DOCK9: variants seen among roughly 807,000 people sequenced by gnomAD.
DOCK9 encodes dedicator of cytokinesis 9.
A neutral mutation model predicts 263.3 loss-of-function variants in DOCK9; 89 were observed. The ratio of observed to expected loss-of-function variants is 0.34; its 90% CI spans 0.28 to 0.40. DOCK9 has a LOEUF of 0.40. DOCK9 is among the 10% of genes least tolerant of loss of function. DOCK9 has a pLI of 1.00. For missense variants in DOCK9, 2,140 were observed against 2,603.4 expected (o/e 0.82, Z 3.87); for synonymous variants, 976 against 973.1 (o/e 1.00, Z -0.06).
intron 20 of DOCK9, chr13:98,885,392 T>C: frequency 1.9e-6 from 1 of 528,060 alleles, no homozygotes; most frequent in Non-Finnish European, 3.4e-6. Context: ...CTGCTTGAGC[T>C]CACGAGTTCG....
intron 1 of DOCK9, among the ~76,000 whole-genome samples, chr13:99,071,306 C>CCTTTTTTTTTT (rs1286343497): frequency 6.1e-5 from 3 of 49,330 alleles, no homozygotes; most frequent in East Asian, 1.3e-3. Context: ...CCATGCCTGG[C>CCTTTTTTTTTT]TTTTTTTTTT....
chr13:98,896,114 G>C (rs1414403914), intron 15 of DOCK9, among the ~76,000 whole-genome samples: 1 of 152,222 alleles, frequency 6.6e-6, no homozygotes, highest in African/African-American at 2.4e-5. Flanking sequence ...GCCAACCTTA[G>C]CTGCATGTTA....
chr13:99,086,483 G>A (rs921456681), exon 1 of DOCK9: 9 of 506,424 alleles, frequency 1.8e-5, no homozygotes, highest in African/African-American at 2.1e-5. Context: ...TGCTCCCCCC[G>A]CTGCTCGCCG....
intron 36 of DOCK9, 42 bp downstream of exon 36, chr13:98,850,005 G>A: frequency 1.4e-6 from 2 of 1,405,394 alleles, no homozygotes; most frequent in East Asian, 2.4e-5. Flanking sequence ...TAATGATCCA[G>A]GAAAAAATCA....
chr13:98,807,997 A>C (rs1397488609), intron 47 of DOCK9, among the ~76,000 whole-genome samples, 190 bp from the exon 48 acceptor site: 1 of 152,244 alleles, frequency 6.6e-6, no homozygotes, highest in Non-Finnish European at 1.5e-5. Flanking sequence ...GAAAAACACA[A>C]CATTGCAAAC....
Position 98,925,916 on chromosome 13 carries a change from T to C in DOCK9, c.337A>G (p.Ile113Val), listed in dbSNP as rs1387809184. ...EAQSLFVTEC[I>V]KTYNSDWHLV... The stretch of plus-strand genomic sequence containing the variant: ...TGCCAGTCAGAGTTATAGGTTTTGA[T>C]GCACTATTGAAGGGGGATTTTAAAA... The change falls in exon 4 of 53, where the codon ATC (isoleucine) becomes GTC (valine). Residue 113 changes from isoleucine (I) to valine (V), a missense_variant. Physicochemically the swap from Ile to Val is conservative, Grantham distance 29. Coordinates refer to ENST00000682017, the MANE Select transcript of DOCK9 (RefSeq NM_001366683.2). The C allele has an allele frequency of 3.8e-6, 6 of 1,576,242 alleles. No individual in the cohort carries two copies. The highest frequency in any genetic ancestry group is 5.2e-6 in the Non-Finnish European group (6 of 1,160,346).
chr13:98,886,159 T>C (rs2045662080), intron 19 of DOCK9, among the ~76,000 whole-genome samples: 1 of 152,108 alleles, frequency 6.6e-6, no homozygotes, highest in Non-Finnish European at 1.5e-5. Context: ...CATACAGTGG[T>C]TTCAATGAAT....
intron 45 of DOCK9, among the ~76,000 whole-genome samples, chr13:98,818,236 A>G (rs2092031170): frequency 6.6e-6 from 1 of 152,234 alleles, no homozygotes; most frequent in South Asian, 2.1e-4. Context: ...CGGCTTCTGC[A>G]TCAAGTAACA....
chr13:98,827,735 G>A (rs2092601851), intron 43 of DOCK9, among the ~76,000 whole-genome samples: 1 of 152,210 alleles, frequency 6.6e-6, no homozygotes, highest in South Asian at 2.1e-4. Context: ...TCCCACGTGT[G>A]TCCCTCTTGC....
chr13:98,839,707 TTAAC>T (rs749424010), intron 38 of DOCK9, among the ~76,000 whole-genome samples: 5 of 152,240 alleles, frequency 3.3e-5, no homozygotes, highest in Non-Finnish European at 5.9e-5. Context: ...CCCATAGAAT[TTAAC>T]TACTCCTGGC....
chr13:98,822,231 G>A (rs2092315181), intron 45 of DOCK9, among the ~76,000 whole-genome samples: 1 of 152,146 alleles, frequency 6.6e-6, no homozygotes, highest in South Asian at 2.1e-4. Flanking sequence ...CTGATAAAGG[G>A]GTCCTTGTCA....
rs556889891 is a variant in DOCK9, at chr13:98,889,613, G to T, written c.1710-902C>A. Among the ~76,000 whole-genome samples, 6 of 152,258 alleles carry T rather than the reference G, an allele frequency of 3.9e-5. No homozygotes were observed. In the South Asian group the frequency reaches 1.2e-3, roughly 32 times the overall value. On this transcript the variant is annotated intron_variant, in intron 15 of 52. Transcript: ENST00000682017. ...GTGACAATGAGACTTCTGATTCAGC[G>T]GTTTTGACACTAGTCTGCTCTTGCT...
chr13:98,914,189 G>A (rs750013903), intron 9 of DOCK9, 139 bp downstream of exon 9: 12 of 707,792 alleles, frequency 1.7e-5, no homozygotes, highest in East Asian at 1.1e-4. Flanking sequence ...ACGTCACCTC[G>A]TAATCAGGTC....
At chr13:98,909,906 G>C (rs76244549) in intron 9 of DOCK9, among the ~76,000 whole-genome samples, 200 of 152,238 alleles carry the variant, frequency 1.3e-3, no homozygotes, top group African/African-American at 4.5e-3. Flanking sequence ...ATGCAACTGT[G>C]GAAGATTTAC....
intron 1 of DOCK9, among the ~76,000 whole-genome samples, chr13:98,999,316 A>T (rs61968896): frequency 0.17 from 24,148 of 138,252 alleles, 2,700 homozygotes; most frequent in East Asian, 0.44. Context: ...ACACACACAC[A>T]CTCTCTCTCT....
At chr13:98,996,109 T>C (rs1468195931) in intron 1 of DOCK9, among the ~76,000 whole-genome samples, 1 of 152,158 alleles carries the variant, frequency 6.6e-6, no homozygotes, top group Non-Finnish European at 1.5e-5. Context: ...CATATGGACA[T>C]ATACGCACTG....
At chr13:99,038,040 T>C (rs1215318840) in intron 1 of DOCK9, among the ~76,000 whole-genome samples, 1 of 152,194 alleles carries the variant, frequency 6.6e-6, no homozygotes, top group Non-Finnish European at 1.5e-5. Flanking sequence ...CAGATGTGTA[T>C]ATAGTCAAAA....
chr13:98,920,832 A>T, intron 7 of DOCK9, 122 bp downstream of exon 7: 1 of 946,412 alleles, frequency 1.1e-6, no homozygotes, highest in Non-Finnish European at 1.5e-6. Flanking sequence ...ATTTAAAGTT[A>T]TATGTTATAT....
At chr13:99,051,855 CAAAAAAAAAAAA>C (rs11392986) in intron 1 of DOCK9, among the ~76,000 whole-genome samples, 2 of 106,058 alleles carry the variant, frequency 1.9e-5, no homozygotes, top group Non-Finnish European at 3.8e-5. Flanking sequence ...CCACTAGTGG[CAAAAAAAAAAAA>C]AAAAAAAAAA....
Sources: allele counts gnomAD v4.1 joint callset (sites outside exome capture counted in the v4.1 genomes callset), GRCh38; gene constraint gnomAD v4.1.1; transcripts MANE v1.5; gene names NCBI Gene and HGNC (gene_info 2026-07-23, HGNC 2026-07-21).